LGSN: variants seen among roughly 807,000 people sequenced by gnomAD.
LGSN encodes lengsin.
Under a neutral mutation model 19.5 loss-of-function variants are expected in LGSN, and 21 were observed. The observed-to-expected ratio is 1.07, with a 90% CI of 0.76 to 1.55. The LOEUF is 1.55. Ranked by LOEUF, LGSN falls within the 40% of genes most tolerant of loss-of-function variation. The pLI is 0.00. For synonymous variants in LGSN, 257 were observed against 215.6 expected, an observed-to-expected ratio of 1.19 and a Z score of -1.68; for missense variants, 673 against 608.5, an observed-to-expected ratio of 1.11 and a Z score of -1.12.
chr6:63,400,443 C>G, the LGSN span, among the ~76,000 whole-genome samples: 6 of 152,212 alleles, frequency 3.9e-5, no homozygotes, highest in Admixed American at 3.3e-4. Context: ...ATTTAATGAG[C>G]AGGCCATCTC....
chr6:63,283,472 G>T (rs1767397926), intron 3 of LGSN, among the ~76,000 whole-genome samples: 2 of 151,430 alleles, frequency 1.3e-5, no homozygotes, highest in Middle Eastern at 3.2e-3. Context: ...ATCAGATACA[G>T]AAAAAGCCTA....
chr6:63,531,791 TC>T, the LGSN span, among the ~76,000 whole-genome samples: 1 of 151,872 alleles, frequency 6.6e-6, no homozygotes, highest in Middle Eastern at 3.4e-3. Context: ...ATGTCCAGCC[TC>T]CCATAACACT....
At chr6:63,540,260 T>C in the LGSN span, among the ~76,000 whole-genome samples, 1 of 126,852 alleles carries the variant, frequency 7.9e-6, no homozygotes, top group South Asian at 2.6e-4. Context: ...GGAGCCCAGA[T>C]GTATATAGAA....
chr6:63,340,838 T>TTGTGTGTGTG, the LGSN span, among the ~76,000 whole-genome samples: 647 of 146,798 alleles, frequency 4.4e-3, 5 homozygotes, highest in African/African-American at 0.015. Context: ...TTTTTATGGT[T>TTGTGTGTGTG]TGTGTGTGTG....
At chr6:63,373,477 C>G in the LGSN span, among the ~76,000 whole-genome samples, 1 of 152,126 alleles carries the variant, frequency 6.6e-6, no homozygotes, top group Admixed American at 6.5e-5. Flanking sequence ...AAAGTATAAC[C>G]TGAATCTAAT....
the LGSN span, among the ~76,000 whole-genome samples, chr6:63,445,777 T>C: frequency 6.6e-6 from 1 of 152,228 alleles, no homozygotes; most frequent in Non-Finnish European, 1.5e-5. Flanking sequence ...TCTGAATTAC[T>C]ACAATTGCCT....
At chr6:63,502,673 T>A in the LGSN span, among the ~76,000 whole-genome samples, 1 of 152,204 alleles carries the variant, frequency 6.6e-6, no homozygotes, top group South Asian at 2.1e-4. Flanking sequence ...AAGTCATCAA[T>A]GTTGCTGAAC....
the LGSN span, among the ~76,000 whole-genome samples, chr6:63,405,773 AG>A: frequency 3.3e-5 from 5 of 152,206 alleles, no homozygotes; most frequent in Non-Finnish European, 7.3e-5. Flanking sequence ...TGCTGTATTC[AG>A]GAAACCCATC....
the LGSN span, among the ~76,000 whole-genome samples, chr6:63,404,976 C>T: frequency 1.7e-5 from 2 of 116,452 alleles, no homozygotes; most frequent in African/African-American, 6.7e-5. Flanking sequence ...CCACAACAGT[C>T]CCCAGAGTGT....
At chr6:63,472,920 A>G in the LGSN span, among the ~76,000 whole-genome samples, 13 of 152,228 alleles carry the variant, frequency 8.5e-5, no homozygotes, top group Middle Eastern at 3.4e-3. Context: ...CAGCCTGGGC[A>G]ACAGAGCGAG....
the LGSN span, among the ~76,000 whole-genome samples, chr6:63,474,037 C>T: frequency 6.6e-6 from 1 of 151,696 alleles, no homozygotes; most frequent in Admixed American, 6.6e-5. Context: ...TATTTGGAAT[C>T]AGAAGATGTT....
the LGSN span, among the ~76,000 whole-genome samples, chr6:63,521,343 A>G: frequency 6.6e-5 from 10 of 152,356 alleles, no homozygotes; most frequent in East Asian, 1.9e-3. Flanking sequence ...GTGAGTCAAC[A>G]TCATTGTTTA....
the LGSN span, among the ~76,000 whole-genome samples, chr6:63,497,114 G>A: frequency 6.6e-6 from 1 of 152,080 alleles, no homozygotes; most frequent in East Asian, 1.9e-4. Flanking sequence ...TAGGACTACA[G>A]GCACACATCT....
At chr6:63,438,414 G>A in the LGSN span, among the ~76,000 whole-genome samples, 49 of 152,254 alleles carry the variant, frequency 3.2e-4, no homozygotes, top group African/African-American at 1.1e-3. Context: ...AGAGTGAACA[G>A]GCAACCTACA....
chr6:63,572,548 C>A, the LGSN span: 1 of 397,994 alleles, frequency 2.5e-6, no homozygotes. Context: ...CCGAGCCGCT[C>A]ACTGCATGGT....
At chr6:63,472,800 G>A in the LGSN span, among the ~76,000 whole-genome samples, 61 of 152,002 alleles carry the variant, frequency 4.0e-4, no homozygotes, top group African/African-American at 1.3e-3. Context: ...AATTAGCCGG[G>A]CGTGGTGGCA....
chr6:63,450,633 C>CA, the LGSN span, among the ~76,000 whole-genome samples: 1 of 149,148 alleles, frequency 6.7e-6, no homozygotes, highest in Non-Finnish European at 1.5e-5. Flanking sequence ...AATAAAAAAG[C>CA]AAAAAACAAG....
At chr6:63,484,533 G>GA in the LGSN span, among the ~76,000 whole-genome samples, 1 of 151,328 alleles carries the variant, frequency 6.6e-6, no homozygotes, top group Non-Finnish European at 1.5e-5. Context: ...CAAAAAAAAA[G>GA]AAAAAAAATC....
the LGSN span, among the ~76,000 whole-genome samples, chr6:63,539,227 C>A: frequency 6.6e-6 from 1 of 151,986 alleles, no homozygotes; most frequent in Non-Finnish European, 1.5e-5. Flanking sequence ...TGAATAAATT[C>A]TAACCTGTAG....
Sources: gnomAD v4.1 joint callset for allele counts (sites outside exome capture counted in the v4.1 genomes callset) on GRCh38, gnomAD v4.1.1 for gene constraint, MANE v1.5 for transcripts, NCBI Gene and HGNC (gene_info 2026-07-23, HGNC 2026-07-21) for gene names.